CTNNA1: variants seen among roughly 807,000 people sequenced by gnomAD.
CTNNA1 encodes the protein catenin alpha-1.
CTNNA1 carries 37 observed loss-of-function variants against 98.4 expected under a neutral mutation model. That is an observed-to-expected ratio of 0.38 (90% confidence interval 0.29 to 0.49). The LOEUF (loss-of-function observed/expected upper bound fraction) is 0.49, where lower values mean the gene tolerates loss of function less well. Among genes scored for constraint, CTNNA1 ranks in the 20% least tolerant of loss-of-function variants. CTNNA1 has a pLI of 0.95. For missense variants in CTNNA1, 761 were observed against 1,147.2 expected (o/e 0.66, Z 4.86); for synonymous variants, 404 against 413.2 (o/e 0.98, Z 0.27).
chr5:138,886,125 G>A (rs867060063), intron 7 of CTNNA1, 87 bp from the exon 8 acceptor site: 2 of 1,430,322 alleles, frequency 1.4e-6, no homozygotes. Flanking sequence ...TGCTTTTTCA[G>A]TGTTGACATG....
intron 7 of CTNNA1, among the ~76,000 whole-genome samples, chr5:138,867,623 C>T (rs1257891127): frequency 6.6e-6 from 1 of 152,284 alleles, no homozygotes; most frequent in African/African-American, 2.4e-5. Context: ...GTAAGACTGA[C>T]TCCTTTTCTT....
chr5:138,925,205 G>C, intron 12 of CTNNA1, 51 bp from the exon 13 acceptor site: 1 of 1,590,298 alleles, frequency 6.3e-7, no homozygotes, highest in South Asian at 1.1e-5. Context: ...AGGGCCAGGG[G>C]AATGATGCTG....
intron 9 of CTNNA1, among the ~76,000 whole-genome samples, chr5:138,899,920 A>G (rs868449245): frequency 6.6e-6 from 1 of 152,196 alleles, no homozygotes; most frequent in African/African-American, 2.4e-5. Context: ...CATCACCACA[A>G]TCTAGTTGTA....
At chr5:138,902,581 G>A (rs1016858123) in intron 9 of CTNNA1, among the ~76,000 whole-genome samples, 6 of 152,142 alleles carry the variant, frequency 3.9e-5, no homozygotes, top group African/African-American at 1.4e-4. Context: ...CACCACGCCC[G>A]GCTAATTTTT....
chr5:138,774,190 T>A (rs1753841478), intron 1 of CTNNA1, among the ~76,000 whole-genome samples: 2 of 152,062 alleles, frequency 1.3e-5, no homozygotes, highest in South Asian at 2.1e-4. Flanking sequence ...GCCTGTTTTT[T>A]ATTTTTAAAT....
At chr5:138,863,245 A>AT (rs1248467543) in intron 7 of CTNNA1, among the ~76,000 whole-genome samples, 4 of 150,936 alleles carry the variant, frequency 2.7e-5, no homozygotes, top group African/African-American at 4.9e-5. Context: ...TATATAATTT[A>AT]TTTTTTTTGA....
At chr5:138,841,578 T>G (rs1762274295) in intron 7 of CTNNA1, among the ~76,000 whole-genome samples, 1 of 152,170 alleles carries the variant, frequency 6.6e-6, no homozygotes, top group Non-Finnish European at 1.5e-5. Flanking sequence ...AGAGGAATAT[T>G]GGATATATAG....
intron 1 of CTNNA1, among the ~76,000 whole-genome samples, chr5:138,760,273 AG>A (rs1752199242): frequency 6.6e-6 from 1 of 150,904 alleles, no homozygotes; most frequent in Non-Finnish European, 1.5e-5. Context: ...GGATTGCAGG[AG>A]TGAGCCACCG....
At chr5:138,839,447 C>T (rs1291603037) in intron 7 of CTNNA1, among the ~76,000 whole-genome samples, 1 of 152,002 alleles carries the variant, frequency 6.6e-6, no homozygotes, top group African/African-American at 2.4e-5. Context: ...GTGATCCACC[C>T]GCCTTGGCCT....
At chr5:138,885,170 C>T (rs996613236) in intron 7 of CTNNA1, among the ~76,000 whole-genome samples, 5 of 152,112 alleles carry the variant, frequency 3.3e-5, no homozygotes, top group Admixed American at 6.6e-5. Flanking sequence ...AACAAATGTA[C>T]ATTAAAGGCA....
intron 1 of CTNNA1, among the ~76,000 whole-genome samples, chr5:138,769,876 C>T (rs927500456): frequency 6.6e-6 from 1 of 151,138 alleles, no homozygotes; most frequent in African/African-American, 2.4e-5. Context: ...GACGGAGTTT[C>T]GGTCTTGTCG....
chr5:138,804,686 T>C (rs1757905740), intron 3 of CTNNA1, among the ~76,000 whole-genome samples: 1 of 152,144 alleles, frequency 6.6e-6, no homozygotes, highest in Non-Finnish European at 1.5e-5. Flanking sequence ...TGTTTTTCAG[T>C]TGGTAGATGT....
intron 2 of CTNNA1, chr5:138,782,296 C>G (rs1755203027): frequency 1.3e-5 from 7 of 529,666 alleles, no homozygotes; most frequent in South Asian, 1.1e-4. Context: ...GCAGATACTT[C>G]ACCTTTCTTC....
At chr5:138,755,845 CTTTTTTTTTTTTTTTTTTT>C (rs60260246) in intron 1 of CTNNA1, among the ~76,000 whole-genome samples, 1,711 of 58,564 alleles carry the variant, frequency 0.029, 74 homozygotes, top group African/African-American at 0.088. Flanking sequence ...GGATTTCCTT[CTTTTTTTTTTTTTTTTTTT>C]TTTTTTTTTT....
At chr5:138,917,925 A>T (rs753811264) in intron 11 of CTNNA1, 27 bp downstream of exon 11, 12 of 1,607,136 alleles carry the variant, frequency 7.5e-6, no homozygotes, top group Non-Finnish European at 1.7e-6. Flanking sequence ...CCAGAGAAGT[A>T]TGTGAAGATG....
intron 3 of CTNNA1, among the ~76,000 whole-genome samples, chr5:138,798,981 T>A (rs1260757639): frequency 1.3e-5 from 2 of 152,162 alleles, no homozygotes; most frequent in Non-Finnish European, 2.9e-5. Context: ...TTTAAATTTT[T>A]AATTTTTTTT....
intron 5 of CTNNA1, among the ~76,000 whole-genome samples, chr5:138,813,062 A>T (rs1759008460): frequency 6.6e-6 from 1 of 152,074 alleles, no homozygotes. Context: ...TTTGCAGAAA[A>T]CCCAGCTCCC....
At chr5:138,889,947 T>C (rs1367932254) in intron 9 of CTNNA1, among the ~76,000 whole-genome samples, 1 of 152,172 alleles carries the variant, frequency 6.6e-6, no homozygotes, top group Non-Finnish European at 1.5e-5. Flanking sequence ...ACAAGGCTTC[T>C]CCTCCCCTAC....
At chr5:138,776,039 C>CTT (rs57467422) in intron 1 of CTNNA1, among the ~76,000 whole-genome samples, 6,879 of 83,862 alleles carry the variant, frequency 0.082, 577 homozygotes, top group Middle Eastern at 0.15. Flanking sequence ...GGAAATGTTT[C>CTT]TTTTTTTTTT....
Sources: allele counts gnomAD v4.1 joint callset (sites outside exome capture counted in the v4.1 genomes callset), GRCh38; gene constraint gnomAD v4.1.1; transcripts MANE v1.5; gene names NCBI Gene and HGNC (gene_info 2026-07-23, HGNC 2026-07-21).